Variants in DRC11 observed in about 807,000 individuals in gnomAD.
The protein encoded by DRC11 is dynein regulatory complex subunit 11, also known as IQ and AAA domain-containing protein 1.
chr2:236,491,246 G>GTATATATATATATATATATACACAA, the DRC11 span, among the ~76,000 whole-genome samples: 1 of 23,774 alleles, frequency 4.2e-5, no homozygotes, highest in African/African-American at 2.0e-4. Flanking sequence ...TATATACACA[G>GTATATATATATATATATATACACAA]TATATATATA....
At chr2:236,472,228 T>C in the DRC11 span, among the ~76,000 whole-genome samples, 2 of 152,188 alleles carry the variant, frequency 1.3e-5, no homozygotes, top group African/African-American at 4.8e-5. The surrounding 1 kb of genome is among the most constrained non-coding windows in gnomAD (Gnocchi z 4.6). Flanking sequence ...GACACAGTTG[T>C]ATAGGATGCA....
chr2:236,405,956 C>CA, the DRC11 span, among the ~76,000 whole-genome samples: 2 of 152,104 alleles, frequency 1.3e-5, no homozygotes, highest in African/African-American at 4.8e-5. The surrounding 1 kb of genome is among the most constrained non-coding windows in gnomAD (Gnocchi z 4.6). Context: ...CACACTTGAC[C>CA]GTGGGTAACT....
the DRC11 span, among the ~76,000 whole-genome samples, chr2:236,396,003 T>A: frequency 1.3e-5 from 2 of 152,088 alleles, no homozygotes; most frequent in African/African-American, 4.8e-5. Flanking sequence ...CATTCTGGAG[T>A]TGCAATTATA....
the DRC11 span, among the ~76,000 whole-genome samples, chr2:236,478,920 G>C: frequency 1.3e-5 from 2 of 151,762 alleles, no homozygotes; most frequent in African/African-American, 4.8e-5. This position sits in a 1 kb window ranked among gnomAD's most constrained non-coding sequence, Gnocchi z 5.9. Context: ...CACCACCCAG[G>C]TTCAAGCGAG....
At chr2:236,459,617 G>A in the DRC11 span, among the ~76,000 whole-genome samples, 53 of 115,778 alleles carry the variant, frequency 4.6e-4, no homozygotes, top group East Asian at 9.5e-3. Flanking sequence ...ACGTATATAA[G>A]TATATACATA....
the DRC11 span, among the ~76,000 whole-genome samples, chr2:236,340,299 A>G: frequency 6.6e-6 from 1 of 152,092 alleles, no homozygotes; most frequent in Non-Finnish European, 1.5e-5. Context: ...TAATTTTTGT[A>G]TTTTTAATAC....
chr2:236,394,644 G>T, the DRC11 span, among the ~76,000 whole-genome samples: 1 of 152,168 alleles, frequency 6.6e-6, no homozygotes, highest in East Asian at 1.9e-4. The surrounding 1 kb of genome is among the most constrained non-coding windows in gnomAD (Gnocchi z 7.0). Context: ...AGTGGGTTGG[G>T]TTCACAAGCT....
At chr2:236,388,375 T>G in the DRC11 span, among the ~76,000 whole-genome samples, 18 of 148,426 alleles carry the variant, frequency 1.2e-4, no homozygotes, top group South Asian at 2.2e-3. Flanking sequence ...TTATTCTTTT[T>G]TCTCTAAACT....
chr2:236,431,692 C>T, the DRC11 span, among the ~76,000 whole-genome samples: 1 of 152,178 alleles, frequency 6.6e-6, no homozygotes, highest in South Asian at 2.1e-4. The surrounding 1 kb of genome is among the most constrained non-coding windows in gnomAD (Gnocchi z 4.2). Context: ...TGGCTTCTTT[C>T]ATGTTGCATA....
At chr2:236,325,450 G>A in the DRC11 span, among the ~76,000 whole-genome samples, 1 of 152,110 alleles carries the variant, frequency 6.6e-6, no homozygotes, top group African/African-American at 2.4e-5. The surrounding 1 kb of genome is among the most constrained non-coding windows in gnomAD (Gnocchi z 4.4). Flanking sequence ...AAATCTCCTT[G>A]TAACTATGTG....
the DRC11 span, among the ~76,000 whole-genome samples, chr2:236,404,161 T>TA: frequency 0.044 from 4,035 of 91,278 alleles, 184 homozygotes; most frequent in East Asian, 0.25. Flanking sequence ...AATGGAGAGT[T>TA]AAAAAAAAAA....
chr2:236,428,697 T>C, the DRC11 span, among the ~76,000 whole-genome samples: 5 of 152,338 alleles, frequency 3.3e-5, no homozygotes, highest in East Asian at 9.6e-4. Flanking sequence ...TCAGCCATGC[T>C]ATGTCTTTTG....
chr2:236,392,577 G>T, the DRC11 span, among the ~76,000 whole-genome samples: 3 of 152,026 alleles, frequency 2.0e-5, no homozygotes, highest in African/African-American at 7.2e-5. This position sits in a 1 kb window ranked among gnomAD's most constrained non-coding sequence, Gnocchi z 5.1. Context: ...AACTGCTGAT[G>T]TAAAAATATT....
the DRC11 span, among the ~76,000 whole-genome samples, chr2:236,421,473 A>G: frequency 2.6e-5 from 4 of 151,490 alleles, no homozygotes; most frequent in Non-Finnish European, 4.4e-5. Flanking sequence ...AAATGGATAA[A>G]TTCCTCGATA....
the DRC11 span, among the ~76,000 whole-genome samples, chr2:236,485,903 C>A: frequency 6.6e-6 from 1 of 152,204 alleles, no homozygotes; most frequent in Non-Finnish European, 1.5e-5. Flanking sequence ...TAGCAGCAGA[C>A]AGACTCTAAG....
At chr2:236,398,948 A>T in the DRC11 span, among the ~76,000 whole-genome samples, 98 of 152,124 alleles carry the variant, frequency 6.4e-4, no homozygotes, top group East Asian at 0.018. The surrounding 1 kb of genome is among the most constrained non-coding windows in gnomAD (Gnocchi z 6.2). Context: ...TCCTATATGC[A>T]TCTTGCCTTT....
the DRC11 span, among the ~76,000 whole-genome samples, chr2:236,464,393 C>T: frequency 1.3e-5 from 2 of 152,152 alleles, no homozygotes; most frequent in Admixed American, 1.3e-4. Context: ...CCTTCTATGG[C>T]TCCTGGGACT....
the DRC11 span, chr2:236,441,208 A>G: frequency 1.1e-6 from 1 of 938,374 alleles, no homozygotes; most frequent in Admixed American, 2.0e-5. Context: ...TGTTCATTTA[A>G]ATGAGTGATG....
At chr2:236,309,675 T>C in the DRC11 span, among the ~76,000 whole-genome samples, 1,328 of 152,302 alleles carry the variant, frequency 8.7e-3, 8 homozygotes, top group Non-Finnish European at 0.013. The surrounding 1 kb of genome is among the most constrained non-coding windows in gnomAD (Gnocchi z 5.7). Context: ...CTGACACGCA[T>C]GGGTCATCCT....
Sources: gnomAD v4.1 joint callset for allele counts (sites outside exome capture counted in the v4.1 genomes callset) on GRCh38, gnomAD v4.1.1 for gene constraint, Gnocchi (gnomAD v3.1) non-coding constraint, MANE v1.5 for transcripts, NCBI Gene and HGNC (gene_info 2026-07-23, HGNC 2026-07-21) for gene names.